ATP12A: variants seen among roughly 807,000 people sequenced by gnomAD.
ATP12A encodes potassium-transporting ATPase alpha chain 2.
In ATP12A, 81 loss-of-function variants were observed where a neutral mutation model predicts 111.2. The ratio of observed to expected loss-of-function variants is 0.73; its 90% CI spans 0.61 to 0.88. ATP12A has a LOEUF of 0.88. Ranked by LOEUF, ATP12A falls within the 40% of genes least tolerant of loss-of-function variation. The pLI is 0.00. For missense variants in ATP12A, 1,196 were observed against 1,313.1 expected (o/e 0.91, Z 1.38); for synonymous variants, 498 against 499.8 (o/e 1.00, Z 0.05).
At chr13:24,692,150 C>T (rs1387170708) in intron 8 of ATP12A, among the ~76,000 whole-genome samples, 4 of 152,220 alleles carry the variant, frequency 2.6e-5, no homozygotes, top group African/African-American at 4.8e-5. Context: ...GCAGCGTGTC[C>T]GTGTTTGCTG....
chr13:24,681,647 G>C lies in ATP12A; in HGVS notation c.95G>C (p.Arg32Thr). Residue 32 changes from arginine (R) to threonine (T), a missense_variant, in exon 2 of 23, where the codon AGG becomes ACG. By Grantham distance (71) the Arg-to-Thr change is moderately conservative. This residue lies in a region of ATP12A where 67 missense variants were observed against 64.0 expected (regional missense o/e 1.05). Transcript: ENST00000381946. ...AAGGGGGATGGCAAGGAGAAGTATA[G>C]GGGTCTGAAGAACAACTGCCTGGAA... ...TDKGDGKEKY[R>T]GLKNNCLELK... 1.2e-6 allele frequency: 2 copies of C among 1,614,204 alleles called. No homozygotes were observed. The highest frequency in any genetic ancestry group is 1.7e-6 in the Non-Finnish European group (2 of 1,180,034).
chr13:24,689,060 G>A (rs1874771342), intron 4 of ATP12A, among the ~76,000 whole-genome samples: 1 of 151,770 alleles, frequency 6.6e-6, no homozygotes, highest in Non-Finnish European at 1.5e-5. Context: ...CTGAGGCTGC[G>A]GTGGAGGGTG....
Position 24,711,371 on chromosome 13 carries a change from A to C in ATP12A, c.3053A>C (p.Asp1018Ala), listed in dbSNP as rs1875960914. 6.2e-7 allele frequency: 1 copy of C among 1,611,708 alleles called. No homozygotes were observed. The highest frequency in any genetic ancestry group is 8.5e-7 in the Non-Finnish European group (1 of 1,178,902). Residue 1018 changes from aspartate to alanine, a missense_variant, in exon 22 of 23, where the codon GAT (aspartate) becomes GCT (alanine). This residue lies in a region of ATP12A where 1,126 missense variants were observed against 1,228.5 expected (regional missense o/e 0.92). Coordinates refer to ENST00000381946, the MANE Select transcript of ATP12A (RefSeq NM_001676.7). ...CACGCCATCCTGATCTGGGTGTATG[A>C]TGAGGTGCGGAAGCTCTTCATCAGG... ...VPHAILIWVYDEVRKLFIRLY... is the reference protein window; with the variant it reads ...VPHAILIWVYAEVRKLFIRLY...
At chr13:24,708,721 A>G (rs1032907458) in intron 17 of ATP12A, among the ~76,000 whole-genome samples, 71 of 151,918 alleles carry the variant, frequency 4.7e-4, no homozygotes, top group Admixed American at 4.5e-3. Context: ...AAAAAATAAA[A>G]ATTAAGAACA....
In ATP12A at chr13:24,680,756, C is replaced by A. The variant is rs1286453020; in HGVS notation, c.9+4C>A. ...CCACCAGCCCAGCATGCACCAGGTGCGTGCAGCCCCCGCGCCGGCCGAGGA... is the reference window on the plus strand; with the variant it reads ...CCACCAGCCCAGCATGCACCAGGTGAGTGCAGCCCCCGCGCCGGCCGAGGA... On this transcript the variant is annotated splice_donor_region_variant and intron_variant, in intron 1 of 22. Transcript: ENST00000381946. 1.3e-6 allele frequency: 2 copies of A among 1,495,866 alleles called. No homozygotes were observed. The highest frequency in any genetic ancestry group is 2.2e-5 in the Admixed American group (1 of 46,110). The allele number at this position is 1,495,866 out of a possible 1,614,324, so 92.7% of individuals were successfully genotyped here.
At chr13:24,692,202 A>T (rs149633608) in intron 8 of ATP12A, among the ~76,000 whole-genome samples, 3 of 152,302 alleles carry the variant, frequency 2.0e-5, no homozygotes, top group Non-Finnish European at 4.4e-5. Context: ...AAGGAACAAG[A>T]AAAGCATCTC....
chr13:24,710,393 T>A, intron 19 of ATP12A, 67 bp from the exon 20 acceptor site: 2 of 1,583,268 alleles, frequency 1.3e-6, no homozygotes, highest in Non-Finnish European at 1.7e-6. Flanking sequence ...TTTAGAGAAC[T>A]GCATTGGAAT....
chr13:24,695,006 G>A (rs1875077573), intron 11 of ATP12A, among the ~76,000 whole-genome samples: 1 of 152,210 alleles, frequency 6.6e-6, no homozygotes, highest in Non-Finnish European at 1.5e-5. Context: ...TAGTGCATCA[G>A]GCCCTCGACC....
chr13:24,684,058 C>A (rs1305847897), intron 2 of ATP12A, among the ~76,000 whole-genome samples: 3 of 152,018 alleles, frequency 2.0e-5, no homozygotes, highest in Non-Finnish European at 4.4e-5. Flanking sequence ...ATAACCACCA[C>A]CACCTCGTCC....
At position 24,692,469 on chromosome 13, in the gene ATP12A, A is replaced by AC. The variant is rs754809955; in HGVS notation, c.1110dup (p.Cys371LeufsTer46). 1.9e-6 allele frequency: 3 copies of AC among 1,614,142 alleles called. No homozygotes were observed. The South Asian group carries it at 3.3e-5, about 18-fold the overall frequency. On this transcript the variant is annotated frameshift_variant, in exon 9 of 23. Coordinates refer to ENST00000381946, the MANE Select transcript of ATP12A (RefSeq NM_001676.7). LOFTEE classifies it high-confidence loss of function. ...ACAGCAAAACGGATGGCCAAGAAGAACTGCCTGGTGAAGAACCTGGAGGCT... is the reference window on the plus strand; with the variant it reads ...ACAGCAAAACGGATGGCCAAGAAGAACCTGCCTGGTGAAGAACCTGGAGGCT...
At chr13:24,705,798 TAG>T (rs1875604442) in intron 14 of ATP12A, among the ~76,000 whole-genome samples, 1 of 152,082 alleles carries the variant, frequency 6.6e-6, no homozygotes. Flanking sequence ...GCCTGCTGAG[TAG>T]CTGGGACCAC....
At chr13:24,681,074 G>T (rs61948066) in intron 1 of ATP12A, among the ~76,000 whole-genome samples, 19,944 of 152,174 alleles carry the variant, frequency 0.13, 1,370 homozygotes, top group Middle Eastern at 0.2. Context: ...GATTCGTTGC[G>T]GTCTGAAAAG....
chr13:24,709,531 C>T (rs373944076), intron 18 of ATP12A, 44 bp downstream of exon 18: 47 of 1,603,168 alleles, frequency 2.9e-5, no homozygotes, highest in East Asian at 4.5e-5. Context: ...GGGCCTGCCC[C>T]GAGAATTCAC....
rs372274390 is a variant in ATP12A at position 24,692,547 on chromosome 13, T to C, written c.1187T>C (p.Leu396Pro). The C allele has an allele frequency of 3.3e-5, 53 of 1,614,168 alleles. No homozygotes were observed. The African/African-American group carries it at 6.9e-4, about 21-fold the overall frequency. The change falls in exon 9 of 23, where the codon CTG (leucine) becomes CCG (proline). Residue 396 changes from leucine (L) to proline (P), a missense_variant. By Grantham distance (98) the Leu-to-Pro change is moderately conservative (BLOSUM62 -3). Coordinates refer to ENST00000381946, the MANE Select transcript of ATP12A (RefSeq NM_001676.7). ...SIICSDKTGT[L>P]TQNRMTVAHL... ...ATCTGCTCGGACAAGACTGGGACAC[T>C]GACCCAGAACAGGATGACAGTGGCC...
intron 17 of ATP12A, among the ~76,000 whole-genome samples, chr13:24,708,960 A>AG (rs1566078391): frequency 0.092 from 11,595 of 126,052 alleles, 1,124 homozygotes; most frequent in Middle Eastern, 0.12. Flanking sequence ...AAAGAAAGAA[A>AG]GAAGGAAAGA....
chr13:24,691,175 A>C lies in ATP12A; in HGVS notation c.993A>C (p.Gln331His). The part of the protein sequence containing the change: ...FFIIAVSLKY[Q>H]VLDSIIFLIG... The stretch of plus-strand genomic sequence containing the variant: ...TCATCGCTGTGTCCCTGAAGTATCA[A>C]GTCCTGGACTCCATCATCTTCCTCA... Residue 331 changes from glutamine to histidine, a missense_variant, in exon 8 of 23, where the codon CAA (glutamine) becomes CAC (histidine). Physicochemically the swap from Gln to His is conservative, Grantham distance 24. Transcript: ENST00000381946. 1 of 1,614,152 alleles carries C rather than the reference A, an allele frequency of 6.2e-7. No individual in the cohort carries two copies.
rs1477382065 is a variant in ATP12A, at chr13:24,688,519, C to T, written c.429C>T (p.Asn143=). The T allele has an allele frequency of 7.0e-6, 11 of 1,579,044 alleles. No homozygotes were observed. Among genetic ancestry groups the T allele is most frequent in the Non-Finnish European group, 9.5e-6 (11 of 1,159,640 alleles). ...CCAGCGACAAGTCTGCATCCCTGAACAACGTAAGGCTCTGGGGTGTCCCCT... is the reference window on the plus strand; with the variant it reads ...CCAGCGACAAGTCTGCATCCCTGAATAACGTAAGGCTCTGGGGTGTCCCCT... ...QYSSDKSASL[N]NVYLGCVLGL... Residue 143 remains asparagine (N), a synonymous_variant, in exon 4 of 23, where the codon AAC becomes AAT. Coordinates refer to ENST00000381946, the MANE Select transcript of ATP12A (RefSeq NM_001676.7).
At chr13:24,696,118 T>C (rs1875141119) in intron 11 of ATP12A, among the ~76,000 whole-genome samples, 1 of 152,212 alleles carries the variant, frequency 6.6e-6, no homozygotes, top group Non-Finnish European at 1.5e-5. Flanking sequence ...ATACTAATAA[T>C]ACTAGTGATA....
chr13:24,708,946 A>AAAGAAAGGAAGGAAGGAAGGAAGG (rs775291322), intron 17 of ATP12A, among the ~76,000 whole-genome samples: 1 of 100,234 alleles, frequency 1.0e-5, no homozygotes, highest in Non-Finnish European at 2.4e-5. Context: ...AGAAAGAAAG[A>AAAGAAAGGAAGGAAGGAAGGAAGG]AAGAAAGAAA....
Sources: allele counts gnomAD v4.1 joint callset (sites outside exome capture counted in the v4.1 genomes callset), GRCh38; gene constraint gnomAD v4.1.1; regional missense constraint gnomAD v4.1.1; transcripts MANE v1.5; gene names NCBI Gene and HGNC (gene_info 2026-07-23, HGNC 2026-07-21).